TOX3: variants seen among roughly 807,000 people sequenced by gnomAD.
TOX3 encodes TOX high mobility group box family member 3.
In TOX3, 22 loss-of-function variants were observed where a neutral mutation model predicts 64.3. The ratio of observed to expected loss-of-function variants is 0.34; its 90% CI spans 0.24 to 0.49. TOX3 has a LOEUF of 0.49. Among genes scored for constraint, TOX3 ranks in the 20% least tolerant of loss-of-function variants. TOX3 has a pLI of 0.99. For missense variants in TOX3, 661 were observed against 714.4 expected (o/e 0.93, Z 0.85); for synonymous variants, 291 against 273.6 (o/e 1.06, Z -0.63).
intron 6 of TOX3, among the ~76,000 whole-genome samples, chr16:52,441,770 A>G (rs1959997367): frequency 6.6e-6 from 1 of 152,204 alleles, no homozygotes; most frequent in Admixed American, 6.5e-5. Context: ...AGGAAAAGCC[A>G]TCTCTGATGT....
chr16:52,447,578 T>A (rs914649349), intron 4 of TOX3, among the ~76,000 whole-genome samples: 11 of 152,160 alleles, frequency 7.2e-5, no homozygotes, highest in African/African-American at 2.2e-4. Flanking sequence ...ATCTGAGTAG[T>A]TTACAAGCTT....
chr16:52,546,401 A>G, intron 1 of TOX3, among the ~76,000 whole-genome samples: 1 of 147,190 alleles, frequency 6.8e-6, no homozygotes, highest in East Asian at 2.2e-4. Flanking sequence ...TCTGGCGGGG[A>G]GGTGGGAGGG....
At position 52,450,349 on chromosome 16, in the gene TOX3, A is replaced by G; in HGVS notation, c.606T>C (p.Pro202=). The change falls in exon 4 of 7, where the codon CCT becomes CCC. Residue 202 remains proline, a synonymous_variant. Transcript: ENST00000219746. ...AGGGAGTGGCTGATTTGCTTGCTGGAGGTGAAGGAGATGTGTGAGGCATAC... is the reference window on the plus strand; with the variant it reads ...AGGGAGTGGCTGATTTGCTTGCTGGGGGTGAAGGAGATGTGTGAGGCATAC... ...GASMPHTSPS[P]PASKSATPSP... The G allele has an allele frequency of 6.2e-7, 1 of 1,613,916 alleles. No homozygotes were observed. Among genetic ancestry groups the G allele is most frequent in the South Asian group, 1.1e-5 (1 of 91,078 alleles).
chr16:52,537,108 G>C (rs1962966649), intron 1 of TOX3, among the ~76,000 whole-genome samples: 1 of 151,842 alleles, frequency 6.6e-6, no homozygotes, highest in Non-Finnish European at 1.5e-5. Flanking sequence ...ACATTGTCTT[G>C]AAAATATCTT....
intron 1 of TOX3, among the ~76,000 whole-genome samples, chr16:52,494,705 G>A (rs188922877): frequency 6.6e-5 from 10 of 152,204 alleles, no homozygotes; most frequent in East Asian, 1.9e-4. Context: ...TACTACATTC[G>A]CTTGCATTTG....
rs950273231 is a variant in TOX3 at position 52,528,913 on chromosome 16, T to A, written c.87+17724A>T. On this transcript the variant is annotated intron_variant, in intron 1 of 6. Transcript: ENST00000219746. The stretch of plus-strand genomic sequence containing the variant: ...GGCTTCCTGAAGCTAAAATGGCCAC[T>A]TTCTCAAAGGACAAATGCCCTGCAT... Among the ~76,000 whole-genome samples the A allele has an allele frequency of 3.9e-5, 6 of 152,196 alleles. No individual in the cohort carries two copies. The East Asian group carries it at 1.2e-3, about 29-fold the overall frequency.
At chr16:52,506,901 A>G (rs550764451) in intron 1 of TOX3, among the ~76,000 whole-genome samples, 2 of 152,302 alleles carry the variant, frequency 1.3e-5, no homozygotes, top group South Asian at 4.1e-4. Context: ...ATTCCCAAAA[A>G]AGGTTATCTT....
At chr16:52,494,001 C>T (rs771420485) in intron 1 of TOX3, among the ~76,000 whole-genome samples, 1 of 152,146 alleles carries the variant, frequency 6.6e-6, no homozygotes. Flanking sequence ...TATTTTCTGA[C>T]TGATAATCCA....
At chr16:52,465,516 C>G (rs1003033317) in intron 2 of TOX3, among the ~76,000 whole-genome samples, 6 of 106,076 alleles carry the variant, frequency 5.7e-5, no homozygotes, top group Admixed American at 5.4e-4. Context: ...TGGGGGGCTA[C>G]TCATATTTTT....
At position 52,468,724 on chromosome 16, in the gene TOX3, G is replaced by A. The variant is rs1252171113; in HGVS notation, c.88-150C>T. The A allele has an allele frequency of 5.0e-6, 3 of 596,334 alleles. No individual in the cohort carries two copies. The East Asian group carries it at 8.6e-5, about 17-fold the overall frequency. 36.9% of individuals were successfully genotyped at this position (596,334 alleles called of 1,614,324 possible). A position where few individuals can be genotyped will look rare whatever the true frequency, so the allele number is the denominator to read the frequency against. ...CAAAGGTTTCAAGGCTATACTGTCA[G>A]CTGGTTCCCTCAGAAAATAAAGCAC... On this transcript the variant is annotated intron_variant, in intron 1 of 6. Coordinates refer to ENST00000219746, the MANE Select transcript of TOX3 (RefSeq NM_001080430.4).
At chr16:52,513,896 T>C (rs188692240) in intron 1 of TOX3, among the ~76,000 whole-genome samples, 167 of 152,370 alleles carry the variant, frequency 1.1e-3, no homozygotes, top group African/African-American at 3.8e-3. Flanking sequence ...TTAAACCATT[T>C]ATATAAAAGT....
intron 1 of TOX3, among the ~76,000 whole-genome samples, chr16:52,541,400 A>C (rs1248552176): frequency 6.6e-6 from 1 of 152,144 alleles, no homozygotes; most frequent in Non-Finnish European, 1.5e-5. Flanking sequence ...GAGGATTACA[A>C]AGGTCTGAAT....
chr16:52,498,119 T>C (rs1005059474), intron 1 of TOX3, among the ~76,000 whole-genome samples: 6 of 152,222 alleles, frequency 3.9e-5, no homozygotes. Flanking sequence ...CCAGCTGCTC[T>C]CAATGTATAT....
Position 52,439,168 on chromosome 16 carries a change from T to C in TOX3, c.*57A>G. On this transcript the variant is annotated 3_prime_UTR_variant, in exon 7 of 7. Transcript: ENST00000219746. ...ACTTACAGGTTTCAGCCACATATGC[T>C]TTTCCCTCCTATGCCACTCTCCTTG... is the stretch of plus-strand genomic sequence containing the variant. 1 of 1,609,946 alleles carries C rather than the reference T, an allele frequency of 6.2e-7. No individual in the cohort carries two copies. The highest frequency in any genetic ancestry group is 1.1e-5 in the South Asian group (1 of 89,948).
intron 1 of TOX3, among the ~76,000 whole-genome samples, chr16:52,472,641 TC>T (rs774211150): frequency 5.3e-5 from 8 of 152,214 alleles, no homozygotes; most frequent in Non-Finnish European, 1.2e-4. Flanking sequence ...CTATGCAATT[TC>T]AAGAGTCAAG....
At chr16:52,444,458 AG>A in intron 5 of TOX3, 102 bp from the exon 6 acceptor site, 1 of 993,256 alleles carries the variant, frequency 1.0e-6, no homozygotes, top group Non-Finnish European at 1.5e-6. Flanking sequence ...TCACATAAAA[AG>A]GTTGGTCTCC....
intron 1 of TOX3, among the ~76,000 whole-genome samples, chr16:52,521,848 T>C (rs1338511251): frequency 6.6e-6 from 1 of 152,196 alleles, no homozygotes; most frequent in East Asian, 1.9e-4. Context: ...TAACAAGGCG[T>C]TCAGGTGACT....
At chr16:52,472,872 T>C (rs991072996) in intron 1 of TOX3, among the ~76,000 whole-genome samples, 10 of 152,166 alleles carry the variant, frequency 6.6e-5, no homozygotes, top group Admixed American at 2.6e-4. Flanking sequence ...TCCCCAAAGA[T>C]AGAGTCCCCA....
At chr16:52,457,674 A>C (rs1375082980) in intron 3 of TOX3, among the ~76,000 whole-genome samples, 1 of 152,198 alleles carries the variant, frequency 6.6e-6, no homozygotes, top group Non-Finnish European at 1.5e-5. Context: ...GTCTTATAGC[A>C]ATGTTAAAAT....
Sources: gnomAD v4.1 joint callset for allele counts (sites outside exome capture counted in the v4.1 genomes callset) on GRCh38, gnomAD v4.1.1 for gene constraint, MANE v1.5 for transcripts, NCBI Gene and HGNC (gene_info 2026-07-23, HGNC 2026-07-21) for gene names.